Variants in ZNF525 observed in about 807,000 individuals in gnomAD.
ZNF525 encodes zinc finger protein 525.
In ZNF525, 33 loss-of-function variants were observed where a neutral mutation model predicts 37.6. The ratio of observed to expected loss-of-function variants is 0.88; its 90% CI spans 0.67 to 1.17. The LOEUF (loss-of-function observed/expected upper bound fraction) is 1.17, where lower values mean the gene tolerates loss of function less well. ZNF525 is among the 50% of genes most tolerant of loss of function. The pLI is 0.00. For missense variants in ZNF525, 449 were observed against 543.1 expected, an observed-to-expected ratio of 0.83 and a Z score of 1.72; for synonymous variants, 170 against 182.3, an observed-to-expected ratio of 0.93 and a Z score of 0.54.
At chr19:53,376,655 G>A (rs532661251) in intron 3 of ZNF525, among the ~76,000 whole-genome samples, 134 of 152,222 alleles carry the variant, frequency 8.8e-4, no homozygotes, top group Middle Eastern at 3.4e-3. Context: ...TTGGCTCACC[G>A]CAGCCGGCTC....
In ZNF525 at chr19:53,382,109, T is replaced by C; in HGVS notation, c.*90T>C. Reference sequence around the variant, plus strand: ...AGATCTTCAGTCATACGTCATCCATTGTATACCATCATAAATTTCATAGTG... The same window carrying C: ...AGATCTTCAGTCATACGTCATCCATCGTATACCATCATAAATTTCATAGTG... On this transcript the variant is annotated 3_prime_UTR_variant, in exon 4 of 4. Coordinates refer to ENST00000474037, the MANE Select transcript of ZNF525 (RefSeq NM_001348156.2). 1 of 1,550,110 alleles carries C rather than the reference T, an allele frequency of 6.5e-7. No individual in the cohort carries two copies. The highest frequency in any genetic ancestry group is 1.1e-5 in the South Asian group (1 of 88,208).
chr19:53,378,640 T>G (rs1305312439), intron 3 of ZNF525, among the ~76,000 whole-genome samples: 1 of 152,234 alleles, frequency 6.6e-6, no homozygotes, highest in Non-Finnish European at 1.5e-5. Context: ...GCCAGCCACA[T>G]TGGTTCCTGG....
chr19:53,367,314 T>TGG (rs35101133), intron 1 of ZNF525, among the ~76,000 whole-genome samples: 4 of 136,766 alleles, frequency 2.9e-5, no homozygotes, highest in African/African-American at 6.7e-5. Context: ...AATGAATACA[T>TGG]TTTTTTTTTT....
At chr19:53,378,906 T>C (rs2085540326) in intron 3 of ZNF525, among the ~76,000 whole-genome samples, 1 of 152,242 alleles carries the variant, frequency 6.6e-6, no homozygotes. Context: ...ATCTTATTTA[T>C]GTTTTTATTG....
rs964952215 is a variant in ZNF525 at position 53,382,881 on chromosome 19, A to T, written c.*862A>T. ...AACCTTGAAAGTCATAGGAGAATTC[A>T]TACTAGAGAGAAACCTTACAAGTGT... On this transcript the variant is annotated 3_prime_UTR_variant, in exon 4 of 4. Transcript: ENST00000474037. The T allele has an allele frequency of 7.1e-7, 1 of 1,400,134 alleles. No individual in the cohort carries two copies. Among genetic ancestry groups the T allele is most frequent in the African/African-American group, 1.4e-5 (1 of 70,426 alleles). The allele number at this position is 1,400,134 out of a possible 1,614,324, so 86.7% of individuals were successfully genotyped here. A position where few individuals can be genotyped will look rare whatever the true frequency, so the allele number is the denominator to read the frequency against.
intron 1 of ZNF525, among the ~76,000 whole-genome samples, chr19:53,368,042 C>CT (rs2085460440): frequency 6.9e-6 from 1 of 145,630 alleles, no homozygotes; most frequent in South Asian, 2.3e-4. Flanking sequence ...GTCTATATCT[C>CT]TTTTGTTTTT....
chr19:53,383,784 T>C lies in ZNF525; in HGVS notation c.*1765T>C, dbSNP rs2085585647. 1.9e-6 allele frequency: 1 copy of C among 526,990 alleles called. No homozygotes were observed. Among genetic ancestry groups the C allele is most frequent in the African/African-American group, 1.9e-5 (1 of 51,898 alleles). 32.6% of individuals were successfully genotyped at this position (526,990 alleles called of 1,614,324 possible). A position where few individuals can be genotyped will look rare whatever the true frequency, so the allele number is the denominator to read the frequency against. On this transcript the variant is annotated 3_prime_UTR_variant, in exon 4 of 4. Coordinates refer to ENST00000474037, the MANE Select transcript of ZNF525 (RefSeq NM_001348156.2). Reference sequence around the variant, plus strand: ...TTCAGACATCGTTCATACATTGCCGTTCATTGGCGAACTCATGCTGGAGAG... The same window carrying C: ...TTCAGACATCGTTCATACATTGCCGCTCATTGGCGAACTCATGCTGGAGAG...
chr19:53,375,702 C>T, intron 2 of ZNF525, 68 bp from the exon 3 acceptor site: 2 of 1,613,346 alleles, frequency 1.2e-6, no homozygotes, highest in Non-Finnish European at 1.7e-6. Context: ...CCTCTCTCCT[C>T]TTCTCATTTT....
In ZNF525 at chr19:53,366,305, G is replaced by A. The variant is rs116084923; in HGVS notation, c.-68+546G>A. Among the ~76,000 whole-genome samples the A allele has an allele frequency of 1.1e-3, 125 of 115,822 alleles. 4 individuals are homozygous for A. The highest frequency in any genetic ancestry group is 2.9e-3 in the African/African-American group (115 of 40,254). 76.0% of individuals were successfully genotyped at this position (115,822 alleles called of 152,430 possible). ...GAGCCTGCGTTAGGGGAGGTGCCCG[G>A]GTTCTGTCCTGTGACACGGGGTGTT... On this transcript the variant is annotated intron_variant, in intron 1 of 3. Transcript: ENST00000474037.
intron 3 of ZNF525, among the ~76,000 whole-genome samples, chr19:53,377,097 T>G (rs1212256071): frequency 6.6e-6 from 1 of 152,262 alleles, no homozygotes; most frequent in Non-Finnish European, 1.5e-5. Flanking sequence ...TCATGCTTTT[T>G]TCTTCTAAAT....
Position 53,383,814 on chromosome 19 carries a change from C to G in ZNF525, c.*1795C>G. 1 of 538,574 alleles carries G rather than the reference C, an allele frequency of 1.9e-6. No homozygotes were observed. Among genetic ancestry groups the G allele is most frequent in the Admixed American group, 2.5e-5 (1 of 39,758 alleles). 33.4% of individuals were successfully genotyped at this position (538,574 alleles called of 1,614,324 possible). A position where few individuals can be genotyped will look rare whatever the true frequency, so the allele number is the denominator to read the frequency against. On this transcript the variant is annotated 3_prime_UTR_variant, in exon 4 of 4. Coordinates refer to ENST00000474037, the MANE Select transcript of ZNF525 (RefSeq NM_001348156.2). The stretch of plus-strand genomic sequence containing the variant: ...TGGCGAACTCATGCTGGAGAGAAAT[C>G]TTACAATGTCATGATTGTGGCAAGG...
rs533075315 is a variant in ZNF525 at position 53,386,434 on chromosome 19, C to T, written c.*4415C>T. 27 of 743,534 alleles carry T rather than the reference C, an allele frequency of 3.6e-5. No homozygotes were observed. The highest frequency in any genetic ancestry group is 3.3e-4 in the South Asian group (24 of 73,556). The allele number at this position is 743,534 out of a possible 1,614,324, so 46.1% of individuals were successfully genotyped here. ...ACACATATTTATGCTGTCTGAGCAT[C>T]ACAATCACGTTACCATATCAAGCTG... On this transcript the variant is annotated 3_prime_UTR_variant, in exon 4 of 4. Coordinates refer to ENST00000474037, the MANE Select transcript of ZNF525 (RefSeq NM_001348156.2).
intron 2 of ZNF525, among the ~76,000 whole-genome samples, chr19:53,375,281 G>A (rs1055820251): frequency 6.6e-6 from 1 of 152,124 alleles, no homozygotes; most frequent in Non-Finnish European, 1.5e-5. Context: ...ATGTCACTTA[G>A]TGTGTCAACA....
rs746281707 is a variant in ZNF525 at position 53,381,776 on chromosome 19, A to T, written c.1197A>T (p.Thr399=). The part of the protein sequence containing the change: ...GKTFSHMSTL[T]CHRRLHTGEK... ...CCTTCAGTCATATGTCAACCCTTAC[A>T]TGCCATCGTAGACTTCATACTGGAG... The change falls in exon 4 of 4, where the codon ACA becomes ACT. Residue 399 remains threonine (T), a synonymous_variant. Coordinates refer to ENST00000474037, the MANE Select transcript of ZNF525 (RefSeq NM_001348156.2). 2 of 1,054,498 alleles carry T rather than the reference A, an allele frequency of 1.9e-6. No homozygotes were observed. Among genetic ancestry groups the T allele is most frequent in the Middle Eastern group, 2.0e-4 (1 of 4,996 alleles). The allele number at this position is 1,054,498 out of a possible 1,614,324, so 65.3% of individuals were successfully genotyped here.
chr19:53,366,480 G>A (rs866589693), intron 1 of ZNF525, among the ~76,000 whole-genome samples: 1,229 of 148,642 alleles, frequency 8.3e-3, no homozygotes, highest in Middle Eastern at 0.021. Context: ...AATGAGAAAG[G>A]CCCATAACAG....
intron 1 of ZNF525, 120 bp from the exon 2 acceptor site, chr19:53,372,095 T>A (rs2085491662): frequency 2.2e-6 from 1 of 463,950 alleles, no homozygotes; most frequent in Non-Finnish European, 3.8e-6. Context: ...GTACCTGGTG[T>A]GGAGGGCAGT....
At position 53,386,421 on chromosome 19, in the gene ZNF525, GCTGT is replaced by G; in HGVS notation, c.*4406_*4409del. 1.3e-6 allele frequency: 1 copy of G among 787,520 alleles called. No individual in the cohort carries two copies. The highest frequency in any genetic ancestry group is 2.6e-5 in the East Asian group (1 of 39,068). 48.8% of individuals were successfully genotyped at this position (787,520 alleles called of 1,614,324 possible). A position where few individuals can be genotyped will look rare whatever the true frequency, so the allele number is the denominator to read the frequency against. On this transcript the variant is annotated 3_prime_UTR_variant, in exon 4 of 4. Coordinates refer to ENST00000474037, the MANE Select transcript of ZNF525 (RefSeq NM_001348156.2). ...CATGTGAGATGGCACACATATTTAT[GCTGT>G]CTGAGCATCACAATCACGTTACCAT... is the stretch of plus-strand genomic sequence containing the variant.
At position 53,381,727 on chromosome 19, in the gene ZNF525, A is replaced by G. The variant is rs1182375466; in HGVS notation, c.1148A>G (p.Tyr383Cys). 5.5e-6 allele frequency: 6 copies of G among 1,085,182 alleles called. 1 individual carries two copies. Among genetic ancestry groups the G allele is most frequent in the South Asian group, 5.0e-5 (4 of 80,314 alleles). The allele number at this position is 1,085,182 out of a possible 1,614,324, so 67.2% of individuals were successfully genotyped here. Residue 383 changes from tyrosine to cysteine, a missense_variant, in exon 4 of 4, where the codon TAC becomes TGC. Tyr to Cys is a radical substitution (Grantham distance 194). Coordinates refer to ENST00000474037, the MANE Select transcript of ZNF525 (RefSeq NM_001348156.2). Reference protein sequence around the residue: ...HRITHTGEKPYKCNDCGKTFS... With the variant: ...HRITHTGEKPCKCNDCGKTFS... Reference sequence around the variant, plus strand: ...ATAACTCATACTGGAGAGAAACCATACAAGTGTAATGATTGTGGCAAGACC... The same window carrying G: ...ATAACTCATACTGGAGAGAAACCATGCAAGTGTAATGATTGTGGCAAGACC...
chr19:53,365,917 C>T (rs530751144), intron 1 of ZNF525, among the ~76,000 whole-genome samples, 158 bp downstream of exon 1: 1 of 152,144 alleles, frequency 6.6e-6, no homozygotes, highest in African/African-American at 2.4e-5. Flanking sequence ...GGGTCACTTC[C>T]TTTTGGGTTT....
Sources: gnomAD v4.1 joint callset for allele counts (sites outside exome capture counted in the v4.1 genomes callset) on GRCh38, gnomAD v4.1.1 for gene constraint, MANE v1.5 for transcripts, NCBI Gene and HGNC (gene_info 2026-07-23, HGNC 2026-07-21) for gene names.